The following ABLIM2 variants were observed in gnomAD, a reference collection of about 807,000 sequenced individuals.
ABLIM2 encodes actin binding LIM protein family member 2.
A neutral mutation model predicts 97.7 loss-of-function variants in ABLIM2; 53 were observed. The ratio of observed to expected loss-of-function variants is 0.54; its 90% CI spans 0.44 to 0.68. The LOEUF is 0.68. ABLIM2 is among the 30% of genes least tolerant of loss of function. ABLIM2 has a pLI of 0.00. For missense variants in ABLIM2, 835 were observed against 867.2 expected (o/e 0.96, Z 0.47); for synonymous variants, 361 against 345.8 (o/e 1.04, Z -0.49).
At position 8,106,091 on chromosome 4, in the gene ABLIM2, G is replaced by A. The variant is rs566615294; in HGVS notation, c.154+403C>T. Among the ~76,000 whole-genome samples the A allele has an allele frequency of 2.3e-4, 35 of 152,326 alleles. No homozygotes were observed. In the South Asian group the frequency reaches 2.7e-3, roughly 12 times the overall value. On this transcript the variant is annotated intron_variant, in intron 2 of 20. Transcript: ENST00000447017. ...AGTGCTACTTCGGGTGGGGGTCCCC[G>A]CGTGCCTGGGATCCAGCAAAGGTCC... is the stretch of plus-strand genomic sequence containing the variant.
intron 8 of ABLIM2, among the ~76,000 whole-genome samples, chr4:8,053,956 T>A (rs1182219673): frequency 6.6e-6 from 1 of 152,194 alleles, no homozygotes; most frequent in African/African-American, 2.4e-5. Context: ...TTACCTTGCC[T>A]GTGGTATTCT....
In ABLIM2 at chr4:8,149,410, G is replaced by A. The variant is rs145666605; in HGVS notation, c.10+9270C>T. 1.5e-3 allele frequency among the ~76,000 whole-genome samples: 234 copies of A among 152,200 alleles called. 1 individual carries two copies. The highest frequency in any genetic ancestry group is 5.6e-3 in the African/African-American group (231 of 41,542). On this transcript the variant is annotated intron_variant, in intron 1 of 20. Transcript: ENST00000447017. This position sits in a 1 kb window ranked among gnomAD's most constrained non-coding sequence, Gnocchi z 6.4. ...ACCATCCAAGAGGAGGTATTTCAGA[G>A]AGGGCAGGTCCCAGCTCCAGGCTGC... is the stretch of plus-strand genomic sequence containing the variant.
intron 9 of ABLIM2, 24 bp from the exon 10 acceptor site, chr4:8,036,319 G>T: frequency 6.2e-7 from 1 of 1,611,688 alleles, no homozygotes; most frequent in Non-Finnish European, 8.5e-7. Flanking sequence ...GAGAATTGGG[G>T]AGGGGACAGT....
rs887904895 is a variant in ABLIM2, at chr4:7,992,854, G to A, written c.1680+12C>T. The A allele has an allele frequency of 6.2e-7, 1 of 1,611,570 alleles. No individual in the cohort carries two copies. The highest frequency in any genetic ancestry group is 1.3e-5 in the African/African-American group (1 of 74,984). On this transcript the variant is annotated intron_variant, in intron 17 of 20. Coordinates refer to ENST00000447017, the MANE Select transcript of ABLIM2 (RefSeq NM_001130083.2). The surrounding 1 kb of genome is among the most constrained non-coding windows in gnomAD (Gnocchi z 5.7). ...GTTAGTACCCTGTGGCCAGGGAGGG[G>A]TCAGTACCTACCCGCTGGTCCAAGC... is the stretch of plus-strand genomic sequence containing the variant.
rs2150972603 is a variant in ABLIM2 at position 8,022,624 on chromosome 4, TG to T, written c.1268-2322del. The T allele has an allele frequency of 6.6e-6, 1 of 152,070 alleles. No homozygotes were observed. Among genetic ancestry groups the T allele is most frequent in the South Asian group, 2.1e-4 (1 of 4,758 alleles). The allele number at this position is 152,070 out of a possible 1,614,324, so 9.4% of individuals were successfully genotyped here. ...GCTTCCCACCTGTCCGGACCCTTCC[TG>T]GGTCCAGGTTCAGGCTCTGCCTCCT... On this transcript the variant is annotated intron_variant, in intron 12 of 20. Coordinates refer to ENST00000447017, the MANE Select transcript of ABLIM2 (RefSeq NM_001130083.2). This position sits in a 1 kb window ranked among gnomAD's most constrained non-coding sequence, Gnocchi z 7.8.
chr4:8,109,899 T>C (rs1227414622), intron 1 of ABLIM2, among the ~76,000 whole-genome samples: 1 of 152,242 alleles, frequency 6.6e-6, no homozygotes, highest in Admixed American at 6.5e-5. Flanking sequence ...CTCACTCTGG[T>C]TGAATCCACA....
At chr4:8,090,652 T>C (rs945852246) in intron 3 of ABLIM2, among the ~76,000 whole-genome samples, 1 of 152,136 alleles carries the variant, frequency 6.6e-6, no homozygotes, top group African/African-American at 2.4e-5. Context: ...ATCATCATTG[T>C]CACCATGGCC....
intron 20 of ABLIM2, among the ~76,000 whole-genome samples, chr4:7,973,077 G>C (rs911389259): frequency 1.4e-5 from 2 of 143,506 alleles, no homozygotes; most frequent in Non-Finnish European, 3.1e-5. Flanking sequence ...TCCCCTTGCT[G>C]TGTGTGTGTG....
chr4:8,084,318 G>A (rs1403647074), intron 4 of ABLIM2, among the ~76,000 whole-genome samples: 1 of 152,138 alleles, frequency 6.6e-6, no homozygotes, highest in East Asian at 1.9e-4. Context: ...TACCTCCCAG[G>A]CGCACCCAGG....
intron 11 of ABLIM2, among the ~76,000 whole-genome samples, chr4:8,028,855 G>A (rs1779096777): frequency 6.6e-6 from 1 of 152,202 alleles, no homozygotes; most frequent in East Asian, 1.9e-4. Context: ...AAATAACTTT[G>A]CAAATGAATG....
At position 8,077,644 on chromosome 4, in the gene ABLIM2, G is replaced by A. The variant is rs773380850; in HGVS notation, c.659C>T (p.Thr220Met). ...IRCDSCEKYITGRVLEAGEKH... is the reference protein window; with the variant it reads ...IRCDSCEKYIMGRVLEAGEKH... ...CGCGCTTACCTCCAGCACGCGCCCCGTGATGTATTTCTCACAGCTGTCACA... is the reference window on the plus strand; with the variant it reads ...CGCGCTTACCTCCAGCACGCGCCCCATGATGTATTTCTCACAGCTGTCACA... Residue 220 changes from threonine (T) to methionine (M), a missense_variant, in exon 6 of 21, where the codon ACG becomes ATG. By Grantham distance (81) the Thr-to-Met change is moderately conservative. Coordinates refer to ENST00000447017, the MANE Select transcript of ABLIM2 (RefSeq NM_001130083.2). 3.2e-5 allele frequency: 51 copies of A among 1,611,688 alleles called. No individual in the cohort carries two copies. Among genetic ancestry groups the A allele is most frequent in the Non-Finnish European group, 3.6e-5 (42 of 1,178,944 alleles).
intron 14 of ABLIM2, among the ~76,000 whole-genome samples, chr4:8,012,942 C>T (rs993236674): frequency 1.3e-4 from 20 of 152,164 alleles, no homozygotes; most frequent in African/African-American, 4.6e-4. Context: ...AACCTTTATC[C>T]CCATCTCCCT....
chr4:8,029,919 A>G (rs1326248528), intron 10 of ABLIM2, 143 bp from the exon 11 acceptor site: 4 of 1,179,944 alleles, frequency 3.4e-6, no homozygotes, highest in Non-Finnish European at 4.7e-6. Context: ...AATCTCCTGC[A>G]CCTGTCAGGG....
intron 1 of ABLIM2, among the ~76,000 whole-genome samples, chr4:8,109,192 C>T (rs1283385395): frequency 6.9e-6 from 1 of 145,438 alleles, no homozygotes; most frequent in Non-Finnish European, 1.6e-5. Context: ...GGCGTATAGG[C>T]TGAGTGAGTT....
chr4:8,158,304 G>T (rs530142701), intron 1 of ABLIM2, among the ~76,000 whole-genome samples: 1 of 152,210 alleles, frequency 6.6e-6, no homozygotes, highest in Non-Finnish European at 1.5e-5. Flanking sequence ...TGCGTGCCTA[G>T]GTCTGCTGGG....
chr4:8,101,703 C>G (rs1008967467), intron 2 of ABLIM2, among the ~76,000 whole-genome samples: 1 of 152,146 alleles, frequency 6.6e-6, no homozygotes, highest in Non-Finnish European at 1.5e-5. Context: ...AGAAAATGCC[C>G]GCTCTCCCGA....
chr4:8,052,943 G>T (rs1403774643), intron 8 of ABLIM2, among the ~76,000 whole-genome samples: 1 of 152,228 alleles, frequency 6.6e-6, no homozygotes, highest in Admixed American at 6.5e-5. Context: ...GAGGCCAGGG[G>T]TTGCTGAGAT....
intron 16 of ABLIM2, among the ~76,000 whole-genome samples, chr4:7,995,672 GT>G (rs1188901495): frequency 2.0e-5 from 3 of 152,214 alleles, no homozygotes; most frequent in African/African-American, 7.2e-5. Flanking sequence ...TCAGGAAGGT[GT>G]TTTAAACATC....
At position 8,069,300 on chromosome 4, in the gene ABLIM2, C is replaced by T. The variant is rs115235341; in HGVS notation, c.676-8246G>A. On this transcript the variant is annotated intron_variant, in intron 6 of 20. Coordinates refer to ENST00000447017, the MANE Select transcript of ABLIM2 (RefSeq NM_001130083.2). The surrounding 1 kb of genome is among the most constrained non-coding windows in gnomAD (Gnocchi z 4.2). ...ACGGTGCCCAGGAGGCCAGCCTGAG[C>T]GGCCCTAGAGGACCAGAGAACTTGA... 0.026 allele frequency among the ~76,000 whole-genome samples: 3,902 copies of T among 152,348 alleles called. 170 individuals carry two copies. The highest frequency in any genetic ancestry group is 0.089 in the African/African-American group (3,707 of 41,574).
Sources: allele counts gnomAD v4.1 joint callset (sites outside exome capture counted in the v4.1 genomes callset), GRCh38; gene constraint gnomAD v4.1.1; non-coding constraint Gnocchi (gnomAD v3.1); transcripts MANE v1.5; gene names NCBI Gene and HGNC (gene_info 2026-07-23, HGNC 2026-07-21).